ESR1: variants seen among roughly 807,000 people sequenced by gnomAD.
The protein encoded by ESR1 is estrogen receptor.
In ESR1, 12 loss-of-function variants were observed where a neutral mutation model predicts 52.7. The observed-to-expected ratio is 0.23, with a 90% CI of 0.15 to 0.37. ESR1 has a LOEUF of 0.37. Ranked by LOEUF, ESR1 falls within the 10% of genes least tolerant of loss-of-function variation. The pLI is 1.00. For missense variants in ESR1, 584 were observed against 779.7 expected, an observed-to-expected ratio of 0.75 and a Z score of 2.99; for synonymous variants, 305 against 316.8, an observed-to-expected ratio of 0.96 and a Z score of 0.39.
At chr6:152,017,058 A>G (rs1176940700) in intron 5 of ESR1, among the ~76,000 whole-genome samples, 1 of 152,200 alleles carries the variant, frequency 6.6e-6, no homozygotes, top group Non-Finnish European at 1.5e-5. Flanking sequence ...TTACAAGACC[A>G]TGAGGATGCT....
intron 3 of ESR1, among the ~76,000 whole-genome samples, chr6:151,928,909 G>A (rs1379669770): frequency 6.6e-6 from 1 of 151,792 alleles, no homozygotes; most frequent in Non-Finnish European, 1.5e-5. Flanking sequence ...TTCCAATTTG[G>A]TGTGAGAGCC....
intron 2 of ESR1, among the ~76,000 whole-genome samples, chr6:151,705,671 C>T (rs1780135958): frequency 6.6e-6 from 1 of 152,186 alleles, no homozygotes; most frequent in African/African-American, 2.4e-5. Flanking sequence ...TACCTATCTG[C>T]TGTGATTTTT....
intron 2 of ESR1, among the ~76,000 whole-genome samples, chr6:151,711,308 A>G (rs925475146): frequency 2.0e-5 from 3 of 147,220 alleles, no homozygotes; most frequent in Middle Eastern, 3.5e-3. Context: ...TGCAAGCTCC[A>G]CCTCCCGGGT....
chr6:151,818,040 C>T (rs867256720), intron 1 of ESR1, among the ~76,000 whole-genome samples: 2 of 152,160 alleles, frequency 1.3e-5, no homozygotes, highest in South Asian at 2.1e-4. Flanking sequence ...TCGTGTCCTC[C>T]CTCTGACGTA....
At chr6:151,686,709 CA>C (rs778564702), upstream of ESR1, among the ~76,000 whole-genome samples, 20,616 of 151,836 alleles carry the variant, frequency 0.14, 2,188 homozygotes, top group East Asian at 0.36. Context: ...ACCAACCAAC[CA>C]ACCAACCAAC....
chr6:152,062,156 C>T (rs1472075075), intron 6 of ESR1, among the ~76,000 whole-genome samples: 11 of 152,158 alleles, frequency 7.2e-5, no homozygotes, highest in African/African-American at 7.2e-5. Context: ...TCTCTTTCCA[C>T]GTGTTTTTGT....
chr6:151,766,014 TA>T (rs1785022928), intron 2 of ESR1, among the ~76,000 whole-genome samples: 1 of 152,238 alleles, frequency 6.6e-6, no homozygotes, highest in African/African-American at 2.4e-5. Context: ...GTGGCAATAT[TA>T]ATCTATGTTT....
intron 3 of ESR1, among the ~76,000 whole-genome samples, chr6:151,903,537 C>A (rs796559998): frequency 3.3e-5 from 5 of 152,350 alleles, no homozygotes; most frequent in African/African-American, 1.2e-4. Context: ...CCCATCTACA[C>A]TAGGCTTTCA....
chr6:152,021,116 G>C (rs1236687732), intron 5 of ESR1, among the ~76,000 whole-genome samples: 2 of 152,136 alleles, frequency 1.3e-5, no homozygotes, highest in Non-Finnish European at 2.9e-5. Context: ...TACCAAAGGA[G>C]ATTAATATTT....
chr6:151,888,991 C>G (rs1794298217), intron 3 of ESR1, among the ~76,000 whole-genome samples: 1 of 152,084 alleles, frequency 6.6e-6, no homozygotes, highest in South Asian at 2.1e-4. Flanking sequence ...ATATGTTGAA[C>G]CATCGTTGCA....
chr6:151,981,329 A>T (rs3020406), intron 4 of ESR1, among the ~76,000 whole-genome samples: 2 of 152,002 alleles, frequency 1.3e-5, no homozygotes, highest in Non-Finnish European at 2.9e-5. Flanking sequence ...AGATCTGGAG[A>T]AGTTTCTCGT....
chr6:151,883,371 G>A (rs1006658216), intron 3 of ESR1, among the ~76,000 whole-genome samples: 5 of 151,384 alleles, frequency 3.3e-5, no homozygotes, highest in South Asian at 2.1e-4. Flanking sequence ...CAGGTGATCC[G>A]CCCACCTCGG....
Position 151,944,324 on chromosome 6 carries a change from C to T in ESR1, c.912C>T (p.Asn304=), listed in dbSNP as rs768041244. The change falls in exon 4 of 8, where the codon AAC becomes AAT. Residue 304 remains asparagine, a synonymous_variant. Coordinates refer to ENST00000206249, the MANE Select transcript of ESR1 (RefSeq NM_000125.4). ...SPLMIKRSKK[N]SLALSLTADQ... is the part of the protein sequence containing the mutation. The stretch of plus-strand genomic sequence containing the variant: ...TCATGATCAAACGCTCTAAGAAGAA[C>T]AGCCTGGCCTTGTCCCTGACGGCCG... 1 of 1,614,142 alleles carries T rather than the reference C, an allele frequency of 6.2e-7. No homozygotes were observed. The highest frequency in any genetic ancestry group is 8.5e-7 in the Non-Finnish European group (1 of 1,180,022).
At chr6:151,870,393 T>C (rs1790733508) in intron 2 of ESR1, among the ~76,000 whole-genome samples, 1 of 152,174 alleles carries the variant, frequency 6.6e-6, no homozygotes, top group Non-Finnish European at 1.5e-5. Flanking sequence ...TGATACCATA[T>C]AGTAATTCCA....
rs1308368524 is a variant in ESR1, at chr6:151,807,723, G to T, written c.-190G>T. The T allele has an allele frequency of 3.0e-6, 2 of 658,368 alleles. No individual in the cohort carries two copies. 40.8% of individuals were successfully genotyped at this position (658,368 alleles called of 1,614,324 possible). On this transcript the variant is annotated 5_prime_UTR_variant, in exon 1 of 8. Coordinates refer to ENST00000206249, the MANE Select transcript of ESR1 (RefSeq NM_000125.4). Reference sequence around the variant, plus strand: ...TCGTCCTGGGACTGCACTTGCTCCCGTCGGGTCGCCCGGCTTCACCGGACC... The same window carrying T: ...TCGTCCTGGGACTGCACTTGCTCCCTTCGGGTCGCCCGGCTTCACCGGACC...
In ESR1 at chr6:152,101,573, A is replaced by G. The variant is rs1284137707; in HGVS notation, c.*2607A>G. 1.7e-5 allele frequency: 4 copies of G among 230,640 alleles called. No homozygotes were observed. The highest frequency in any genetic ancestry group is 3.4e-5 in the Non-Finnish European group (4 of 116,628). The allele number at this position is 230,640 out of a possible 1,614,324, so 14.3% of individuals were successfully genotyped here. A position where few individuals can be genotyped will look rare whatever the true frequency, so the allele number is the denominator to read the frequency against. On this transcript the variant is annotated 3_prime_UTR_variant, in exon 8 of 8. Transcript: ENST00000206249. ...CCAGCAACTTTGGAAATCTCTTTGT[A>G]TTTTTACTTGAAGTGCCACTAATGG...
chr6:151,911,076 G>A (rs1798183699), intron 3 of ESR1, among the ~76,000 whole-genome samples: 2 of 152,214 alleles, frequency 1.3e-5, no homozygotes, highest in Non-Finnish European at 2.9e-5. Flanking sequence ...AGGCAGTAAT[G>A]CTCGCTCACT....
Position 151,677,835 on chromosome 6 carries a change from G to T in ESR1, n.73+21072G>T, listed in dbSNP as rs183758442. Among the ~76,000 whole-genome samples the T allele has an allele frequency of 8.2e-3, 1,255 of 152,238 alleles. 6 individuals carry two copies. The highest frequency in any genetic ancestry group is 0.011 in the Non-Finnish European group (773 of 68,020). ...AGGGAGGAGGGTTTGGTATAAATTT[G>T]GAAGATTGTATTGTTTCAGATTTAT... On this transcript the variant is annotated intron_variant and non_coding_transcript_variant, in intron 1 of 2. Coordinates refer to the ESR1 transcript ENST00000473497.
chr6:151,917,460 C>T (rs1237995361), intron 3 of ESR1, among the ~76,000 whole-genome samples: 1 of 152,152 alleles, frequency 6.6e-6, no homozygotes, highest in Non-Finnish European at 1.5e-5. Context: ...ACGGCTGTCT[C>T]TAGAAATGTT....
Sources: gnomAD v4.1 joint callset for allele counts (sites outside exome capture counted in the v4.1 genomes callset) on GRCh38, gnomAD v4.1.1 for gene constraint, MANE v1.5 for transcripts, NCBI Gene and HGNC (gene_info 2026-07-23, HGNC 2026-07-21) for gene names.